The following MICU1 variants were observed in gnomAD, a reference collection of about 807,000 sequenced individuals.
MICU1 encodes mitochondrial calcium uptake 1, also known as calcium uptake protein 1, mitochondrial.
A neutral mutation model predicts 56.8 loss-of-function variants in MICU1; 45 were observed. The observed-to-expected ratio is 0.79, with a 90% CI of 0.62 to 1.02. The LOEUF (loss-of-function observed/expected upper bound fraction) is 1.02. Among genes scored for constraint, MICU1 ranks in the 50% least tolerant of loss-of-function variants. The pLI, the probability that MICU1 is intolerant of heterozygous loss-of-function variation, is 0.00. For missense variants in MICU1, 504 were observed against 587.1 expected, an observed-to-expected ratio of 0.86 and a Z score of 1.46; for synonymous variants, 186 against 195.1, an observed-to-expected ratio of 0.95 and a Z score of 0.39.
intron 1 of MICU1, among the ~76,000 whole-genome samples, chr10:72,584,786 C>T (rs1434204819): frequency 6.6e-6 from 1 of 152,088 alleles, no homozygotes; most frequent in Non-Finnish European, 1.5e-5. Context: ...AAGTGATCTG[C>T]CTACCTCAGC....
At position 72,614,222 on chromosome 10, in the gene MICU1, AAC is replaced by A. The variant is rs545976854; in HGVS notation, c.-2+11786_-2+11787del. Among the ~76,000 whole-genome samples the A allele has an allele frequency of 1.1e-4, 17 of 152,286 alleles. No homozygotes were observed. In the South Asian group the frequency reaches 3.3e-3, roughly 30 times the overall value. ...GCTATTACTTAAATTTTAAAAAAAA[AAC>A]AAGTGTTGACAAGGATGTGTAGAAA... On this transcript the variant is annotated intron_variant, in intron 1 of 11. Transcript: ENST00000361114.
At chr10:72,448,121 ATGTGTGTG>A (rs150733309) in intron 8 of MICU1, among the ~76,000 whole-genome samples, 5 of 121,786 alleles carry the variant, frequency 4.1e-5, no homozygotes, top group South Asian at 2.6e-4. Flanking sequence ...GTTTATATAT[ATGTGTGTG>A]TGTGTGTGTG....
intron 1 of MICU1, among the ~76,000 whole-genome samples, chr10:72,596,368 G>GTC (rs201998416): frequency 0.025 from 3,810 of 152,068 alleles, 166 homozygotes; most frequent in African/African-American, 0.088. Context: ...AGCCCGGGAG[G>GTC]TCAAGGCTAC....
At chr10:72,467,568 C>T (rs554888908) in intron 8 of MICU1, among the ~76,000 whole-genome samples, 4 of 152,182 alleles carry the variant, frequency 2.6e-5, no homozygotes, top group Non-Finnish European at 5.9e-5. Flanking sequence ...GATCCGCCTG[C>T]CTCATCCTCC....
At chr10:72,554,572 C>G (rs565841918) in intron 3 of MICU1, among the ~76,000 whole-genome samples, 3 of 152,090 alleles carry the variant, frequency 2.0e-5, no homozygotes, top group Admixed American at 2.0e-4. Flanking sequence ...AGATATATCA[C>G]CAAACAAAAT....
intron 10 of MICU1, among the ~76,000 whole-genome samples, chr10:72,376,250 C>T (rs1006883956): frequency 1.3e-5 from 2 of 151,558 alleles, no homozygotes; most frequent in South Asian, 2.1e-4. Context: ...TGCTCTCCAG[C>T]CTGGGAGAGT....
intron 6 of MICU1, among the ~76,000 whole-genome samples, chr10:72,490,801 C>A (rs1176528956): frequency 1.3e-5 from 2 of 152,166 alleles, no homozygotes; most frequent in Non-Finnish European, 2.9e-5. Flanking sequence ...GTGCCCTTTG[C>A]ACAACAAAGG....
intron 10 of MICU1, among the ~76,000 whole-genome samples, chr10:72,391,346 C>T (rs945702680): frequency 6.6e-6 from 1 of 151,946 alleles, no homozygotes; most frequent in Non-Finnish European, 1.5e-5. Context: ...GCAGGAGGAT[C>T]GCTTGAATCT....
chr10:72,460,947 G>A (rs903225100), intron 8 of MICU1, among the ~76,000 whole-genome samples: 2 of 151,762 alleles, frequency 1.3e-5, no homozygotes, highest in East Asian at 1.9e-4. Context: ...ACTCTAAAAG[G>A]CACCTGCAGC....
intron 1 of MICU1, among the ~76,000 whole-genome samples, chr10:72,592,255 C>T (rs1440685950): frequency 2.0e-5 from 3 of 151,956 alleles, no homozygotes; most frequent in African/African-American, 7.3e-5. Flanking sequence ...GATCTGCCTG[C>T]CACAGCCTCC....
chr10:72,569,237 A>ATATATATATATTTTTTT, intron 1 of MICU1, among the ~76,000 whole-genome samples: 2 of 34,380 alleles, frequency 5.8e-5, no homozygotes, highest in Non-Finnish European at 1.0e-4. Context: ...ATATATATAT[A>ATATATATATATTTTTTT]TTTTTTTTTT....
At chr10:72,513,708 G>A (rs1011756021) in intron 5 of MICU1, among the ~76,000 whole-genome samples, 4 of 151,652 alleles carry the variant, frequency 2.6e-5, no homozygotes, top group African/African-American at 9.7e-5. Flanking sequence ...GATCCATTTT[G>A]AGTTAAATTT....
chr10:72,562,145 A>ATTTTT (rs1840312776), intron 3 of MICU1, among the ~76,000 whole-genome samples: 45 of 78,468 alleles, frequency 5.7e-4, no homozygotes, highest in Admixed American at 1.1e-3. Context: ...ATTACATAAA[A>ATTTTT]TCTTTTTTTT....
At position 72,475,236 on chromosome 10, in the gene MICU1, G is replaced by A; in HGVS notation, c.797C>T (p.Thr266Ile). 2.5e-6 allele frequency: 4 copies of A among 1,610,482 alleles called. No individual in the cohort carries two copies. The Middle Eastern group carries it at 5.0e-4, about 200-fold the overall frequency. ...MGMRHRDRPT[T>I]GNTLKSGLCS... ...CAAGCCAGACTTGAGGGTGTTGCCAGTAGTTGGACGATCTCTGTGGCGCAT... is the reference window on the plus strand; with the variant it reads ...CAAGCCAGACTTGAGGGTGTTGCCAATAGTTGGACGATCTCTGTGGCGCAT... The change falls in exon 8 of 12, where the codon ACT becomes ATT. Residue 266 changes from threonine to isoleucine, a missense_variant. Coordinates refer to ENST00000361114, the MANE Select transcript of MICU1 (RefSeq NM_001195518.2).
At chr10:72,431,384 C>T (rs1864527256) in intron 8 of MICU1, among the ~76,000 whole-genome samples, 1 of 152,138 alleles carries the variant, frequency 6.6e-6, no homozygotes, top group Non-Finnish European at 1.5e-5. Context: ...CCCACCTTGG[C>T]CTCACAAAAT....
chr10:72,624,469 C>T (rs1842182624), intron 1 of MICU1, among the ~76,000 whole-genome samples: 1 of 152,222 alleles, frequency 6.6e-6, no homozygotes, highest in Non-Finnish European at 1.5e-5. Context: ...TGAGACACCA[C>T]ACCCAGCCTG....
At chr10:72,577,202 T>C (rs546113106) in intron 1 of MICU1, among the ~76,000 whole-genome samples, 1 of 151,946 alleles carries the variant, frequency 6.6e-6, no homozygotes, top group African/African-American at 2.4e-5. Context: ...GGGAGGGCAG[T>C]GAGGGATAAA....
At chr10:72,498,437 T>C (rs146552978) in intron 6 of MICU1, among the ~76,000 whole-genome samples, 19 of 152,124 alleles carry the variant, frequency 1.2e-4, no homozygotes, top group East Asian at 3.9e-4. Context: ...AGTACAAAAA[T>C]TAGCCAGGTG....
At chr10:72,583,366 C>T (rs1173621903) in intron 1 of MICU1, among the ~76,000 whole-genome samples, 1 of 151,652 alleles carries the variant, frequency 6.6e-6, no homozygotes, top group Non-Finnish European at 1.5e-5. Flanking sequence ...CTGCAACTTC[C>T]GCCTCGCAGG....
Sources: gnomAD v4.1 joint callset for allele counts (sites outside exome capture counted in the v4.1 genomes callset) on GRCh38, gnomAD v4.1.1 for gene constraint, MANE v1.5 for transcripts, NCBI Gene and HGNC (gene_info 2026-07-23, HGNC 2026-07-21) for gene names.